Variants in TAFA1 observed in about 807,000 individuals in gnomAD.
The protein encoded by TAFA1 is TAFA chemokine like family member 1.
TAFA1 carries 4 observed loss-of-function variants against 18.5 expected under a neutral mutation model. The observed-to-expected ratio is 0.22, with a 90% confidence interval of 0.11 to 0.49. The LOEUF is 0.49. Ranked by LOEUF, TAFA1 falls within the 20% of genes least tolerant of loss-of-function variation. The pLI is 0.98. For synonymous variants in TAFA1, 56 were observed against 55.2 expected (o/e 1.01, Z -0.06); for missense variants, 147 against 169.0 (o/e 0.87, Z 0.72).
At chr3:68,096,562 C>T (rs950512899) in intron 2 of TAFA1, among the ~76,000 whole-genome samples, 1 of 152,054 alleles carries the variant, frequency 6.6e-6, no homozygotes, top group Non-Finnish European at 1.5e-5. Flanking sequence ...AAGGTAGGAG[C>T]ATTAGCTACA....
chr3:68,431,510 G>A (rs2071171369), intron 3 of TAFA1, among the ~76,000 whole-genome samples: 1 of 151,956 alleles, frequency 6.6e-6, no homozygotes, highest in Non-Finnish European at 1.5e-5. Context: ...TAATGATAAG[G>A]AAACTGGGGC....
intron 2 of TAFA1, among the ~76,000 whole-genome samples, chr3:68,033,757 C>A (rs901991392): frequency 2.6e-5 from 4 of 152,024 alleles, no homozygotes; most frequent in African/African-American, 7.2e-5. Flanking sequence ...TATGTTTTCC[C>A]CATCAAAAAA....
At chr3:68,332,442 C>G (rs1415227286) in intron 2 of TAFA1, among the ~76,000 whole-genome samples, 1 of 152,012 alleles carries the variant, frequency 6.6e-6, no homozygotes, top group East Asian at 1.9e-4. Flanking sequence ...AGTTATTGCA[C>G]AGCAAAGAAA....
chr3:68,047,385 G>T (rs1224130067), intron 2 of TAFA1, among the ~76,000 whole-genome samples: 1 of 152,082 alleles, frequency 6.6e-6, no homozygotes, highest in Non-Finnish European at 1.5e-5. Context: ...TCAAGAAGGG[G>T]CTCACCACAA....
intron 2 of TAFA1, among the ~76,000 whole-genome samples, chr3:68,202,806 G>A (rs1309626943): frequency 6.6e-6 from 1 of 151,486 alleles, no homozygotes; most frequent in African/African-American, 2.4e-5. Context: ...TTGATATGTT[G>A]TTACTTTTAT....
chr3:68,021,185 CAAAAAAAAAA>C (rs10610707), intron 2 of TAFA1, among the ~76,000 whole-genome samples: 31 of 56,092 alleles, frequency 5.5e-4, no homozygotes, highest in East Asian at 2.7e-3. Flanking sequence ...GACCCTGTCT[CAAAAAAAAAA>C]AAAAAAAAAA....
At chr3:68,484,798 C>T (rs781512097) in intron 3 of TAFA1, among the ~76,000 whole-genome samples, 1 of 152,234 alleles carries the variant, frequency 6.6e-6, no homozygotes, top group Non-Finnish European at 1.5e-5. Context: ...TCCCCTTCTA[C>T]TTACTCCTCT....
At chr3:68,165,692 T>C (rs1248468856) in intron 2 of TAFA1, among the ~76,000 whole-genome samples, 4 of 152,278 alleles carry the variant, frequency 2.6e-5, no homozygotes, top group Admixed American at 2.0e-4. Flanking sequence ...TCAAGTGCTT[T>C]CTGTGTGCCA....
intron 2 of TAFA1, among the ~76,000 whole-genome samples, chr3:68,098,309 A>T (rs2065110874): frequency 6.6e-6 from 1 of 152,058 alleles, no homozygotes; most frequent in African/African-American, 2.4e-5. Context: ...GTGTCTTCTT[A>T]AGAAGAGCAG....
intron 2 of TAFA1, among the ~76,000 whole-genome samples, chr3:68,306,130 T>C (rs2068416003): frequency 6.6e-6 from 1 of 152,182 alleles, no homozygotes; most frequent in African/African-American, 2.4e-5. Flanking sequence ...ACAAGGGAGC[T>C]TCAGATTCCA....
upstream of TAFA1, among the ~76,000 whole-genome samples, chr3:67,999,792 CCTTTCT>C (rs953263240): frequency 2.1e-5 from 3 of 144,896 alleles, no homozygotes; most frequent in Non-Finnish European, 3.0e-5. Flanking sequence ...TTATTTCTTT[CCTTTCT>C]TTTTTTTTTT....
intron 2 of TAFA1, among the ~76,000 whole-genome samples, chr3:68,191,828 G>A (rs2066344311): frequency 6.6e-6 from 1 of 151,744 alleles, no homozygotes; most frequent in Admixed American, 6.6e-5. Flanking sequence ...TAATTCTGGA[G>A]GCCTGATTGA....
chr3:68,286,934 G>C (rs927972080), intron 2 of TAFA1, among the ~76,000 whole-genome samples: 6 of 152,168 alleles, frequency 3.9e-5, no homozygotes, highest in African/African-American at 1.4e-4. Context: ...GGCCATCCTT[G>C]GTGCTGTACA....
At chr3:68,484,301 GT>G (rs1228522566) in intron 3 of TAFA1, among the ~76,000 whole-genome samples, 1 of 152,196 alleles carries the variant, frequency 6.6e-6, no homozygotes, top group Non-Finnish European at 1.5e-5. Context: ...GAACAGCATA[GT>G]TTTAGAAAGA....
At chr3:68,402,707 T>C (rs1164880588) in intron 2 of TAFA1, among the ~76,000 whole-genome samples, 3 of 152,158 alleles carry the variant, frequency 2.0e-5, no homozygotes, top group Non-Finnish European at 4.4e-5. Flanking sequence ...ACCAATAAAA[T>C]ATCCAGCTGA....
At chr3:68,120,455 G>C (rs2065385977) in intron 2 of TAFA1, among the ~76,000 whole-genome samples, 1 of 151,906 alleles carries the variant, frequency 6.6e-6, no homozygotes, top group Non-Finnish European at 1.5e-5. Flanking sequence ...TGCCATGTTG[G>C]CCAGGCTGGT....
chr3:68,212,491 G>T (rs937700713), intron 2 of TAFA1, among the ~76,000 whole-genome samples: 1 of 151,826 alleles, frequency 6.6e-6, no homozygotes, highest in Admixed American at 6.6e-5. Context: ...TCTCCTTATA[G>T]GTCCGGATGA....
At position 68,438,379 on chromosome 3, in the gene TAFA1, C is replaced by A. The variant is rs188674969; in HGVS notation, c.259+20959C>A. On this transcript the variant is annotated intron_variant, in intron 3 of 4. Transcript: ENST00000478136. ...CTCAGAAAAAAAGACTCCAGAATAA[C>A]AGAATAGTCTCCTCTGGCTCCATAT... 7.9e-4 allele frequency among the ~76,000 whole-genome samples: 121 copies of A among 152,238 alleles called. No individual in the cohort carries two copies. In the Middle Eastern group the frequency reaches 0.01, roughly 13 times the overall value.
intron 2 of TAFA1, among the ~76,000 whole-genome samples, chr3:68,096,619 T>C (rs553120610): frequency 5.5e-4 from 84 of 152,238 alleles, no homozygotes; most frequent in Non-Finnish European, 9.9e-4. Context: ...AGTTAACTTC[T>C]CCAAAGTCAG....
Sources: gnomAD v4.1 joint callset for allele counts (sites outside exome capture counted in the v4.1 genomes callset) on GRCh38, gnomAD v4.1.1 for gene constraint, MANE v1.5 for transcripts, NCBI Gene and HGNC (gene_info 2026-07-23, HGNC 2026-07-21) for gene names.